TBXAS1: variants seen among roughly 807,000 people sequenced by gnomAD.
The protein encoded by TBXAS1 is thromboxane-A synthase.
Under a neutral mutation model 60.7 loss-of-function variants are expected in TBXAS1, and 48 were observed. That is an observed-to-expected ratio of 0.79 (90% CI 0.63 to 1.01). The LOEUF (loss-of-function observed/expected upper bound fraction) is 1.01. Among genes scored for constraint, TBXAS1 ranks in the 50% least tolerant of loss-of-function variants. TBXAS1 has a pLI of 0.00. For synonymous variants in TBXAS1, 287 were observed against 269.7 expected (o/e 1.06, Z -0.63); for missense variants, 685 against 686.3 (o/e 1.00, Z 0.02).
intron 4 of TBXAS1, among the ~76,000 whole-genome samples, chr7:139,811,536 G>A (rs943747801): frequency 3.9e-5 from 6 of 152,204 alleles, no homozygotes; most frequent in African/African-American, 1.4e-4. Context: ...GCATGACTGG[G>A]TGTCTTAGAA....
At chr7:139,888,669 G>A (rs1285391799) in intron 3 of TBXAS1, among the ~76,000 whole-genome samples, 1 of 152,182 alleles carries the variant, frequency 6.6e-6, no homozygotes, top group Non-Finnish European at 1.5e-5. Context: ...AGGAGAGGTG[G>A]CAGGTGGCCT....
intron 4 of TBXAS1, among the ~76,000 whole-genome samples, chr7:139,815,939 G>T (rs2116421239): frequency 1.3e-5 from 2 of 152,302 alleles, no homozygotes; most frequent in East Asian, 1.9e-4. Flanking sequence ...ATGGTGATAT[G>T]GTTTGGCTCT....
intron 3 of TBXAS1, among the ~76,000 whole-genome samples, chr7:139,895,623 C>T (rs543499996): frequency 1.1e-4 from 17 of 152,352 alleles, no homozygotes; most frequent in African/African-American, 2.6e-4. Context: ...ACCACAGTCT[C>T]GGCTGCTGGA....
At chr7:139,987,173 G>A (rs1812552910) in intron 9 of TBXAS1, among the ~76,000 whole-genome samples, 1 of 152,106 alleles carries the variant, frequency 6.6e-6, no homozygotes, top group African/African-American at 2.4e-5. Flanking sequence ...GGATTCCAGT[G>A]TCATCGGCCT....
At chr7:139,963,206 C>T (rs1301554952) in intron 9 of TBXAS1, among the ~76,000 whole-genome samples, 1 of 152,226 alleles carries the variant, frequency 6.6e-6, no homozygotes, top group Non-Finnish European at 1.5e-5. Context: ...TTATGGTCAA[C>T]TTCAAGTTCT....
intron 9 of TBXAS1, among the ~76,000 whole-genome samples, chr7:139,963,527 G>A (rs1394962230): frequency 1.3e-5 from 2 of 152,174 alleles, no homozygotes; most frequent in Admixed American, 6.5e-5. Flanking sequence ...AACAAGCCAT[G>A]AATCCAAATA....
intron 10 of TBXAS1, among the ~76,000 whole-genome samples, chr7:140,012,576 A>G (rs985436478): frequency 6.6e-6 from 1 of 151,562 alleles, no homozygotes; most frequent in African/African-American, 2.4e-5. Context: ...CTCGTGCCTC[A>G]GCCTCCTGAG....
rs979287855 is a variant in TBXAS1 at position 140,013,869 on chromosome 7, C to T, written c.1227-1854C>T. Among the ~76,000 whole-genome samples the T allele has an allele frequency of 3.3e-5, 5 of 152,258 alleles. No individual in the cohort carries two copies. Among genetic ancestry groups the T allele is most frequent in the African/African-American group, 7.2e-5 (3 of 41,470 alleles). ...TCCTAAACTACCTCTCACTGTGCATCGCAAGTCACTGCCCATCTTCCTGGC... is the reference window on the plus strand; with the variant it reads ...TCCTAAACTACCTCTCACTGTGCATTGCAAGTCACTGCCCATCTTCCTGGC... On this transcript the variant is annotated intron_variant, in intron 10 of 12. Coordinates refer to ENST00000448866, the MANE Select transcript of TBXAS1 (RefSeq NM_001061.7). This position sits in a 1 kb window ranked among gnomAD's most constrained non-coding sequence, Gnocchi z 4.2.
intron 1 of TBXAS1, among the ~76,000 whole-genome samples, chr7:139,857,025 T>C (rs1475658389): frequency 1.3e-5 from 2 of 152,174 alleles, no homozygotes; most frequent in Non-Finnish European, 2.9e-5. Context: ...CCCCATCCCA[T>C]CATGGCCAAG....
chr7:139,929,810 T>C (rs775901515), intron 4 of TBXAS1, among the ~76,000 whole-genome samples: 8 of 152,198 alleles, frequency 5.3e-5, no homozygotes, highest in Non-Finnish European at 1.0e-4. Context: ...CTCCCTGGCC[T>C]GAGCCTCCAC....
intron 3 of TBXAS1, among the ~76,000 whole-genome samples, chr7:139,904,936 CT>C (rs1321425519): frequency 6.6e-6 from 1 of 151,952 alleles, no homozygotes; most frequent in Non-Finnish European, 1.5e-5. Flanking sequence ...GCTCTCCTTT[CT>C]TTCTTCCTTC....
At chr7:139,983,687 G>A (rs1382802626) in intron 9 of TBXAS1, among the ~76,000 whole-genome samples, 3 of 152,134 alleles carry the variant, frequency 2.0e-5, no homozygotes, top group Non-Finnish European at 2.9e-5. Flanking sequence ...ATCATTCAGT[G>A]TACTGTCCTC....
chr7:140,014,062 G>A (rs1218961745), intron 10 of TBXAS1, among the ~76,000 whole-genome samples: 3 of 152,224 alleles, frequency 2.0e-5, no homozygotes, highest in African/African-American at 7.2e-5. Flanking sequence ...GTTCTAGGCA[G>A]CCCATCCTTG....
At chr7:139,808,945 T>C (rs1360923370) in intron 4 of TBXAS1, among the ~76,000 whole-genome samples, 1 of 150,884 alleles carries the variant, frequency 6.6e-6, no homozygotes, top group African/African-American at 2.4e-5. Context: ...GAAATGCTCT[T>C]GGCTGCATGA....
intron 4 of TBXAS1, among the ~76,000 whole-genome samples, chr7:139,935,951 G>A (rs926287002): frequency 1.3e-5 from 2 of 152,172 alleles, no homozygotes; most frequent in East Asian, 1.9e-4. Context: ...TGACCACATC[G>A]CAGCAGGGTA....
intron 9 of TBXAS1, among the ~76,000 whole-genome samples, chr7:139,990,314 C>T (rs372344763): frequency 2.6e-5 from 4 of 152,214 alleles, no homozygotes; most frequent in South Asian, 2.1e-4. Flanking sequence ...TTCGCCCCAG[C>T]GCAGCATTCC....
intron 5 of TBXAS1, among the ~76,000 whole-genome samples, chr7:139,943,964 A>T (rs958039065): frequency 6.6e-6 from 1 of 152,170 alleles, no homozygotes; most frequent in Non-Finnish European, 1.5e-5. Context: ...CTCTGACATC[A>T]GCCCCAAAAT....
chr7:139,863,650 G>T (rs1271025764), intron 1 of TBXAS1, among the ~76,000 whole-genome samples: 1 of 152,166 alleles, frequency 6.6e-6, no homozygotes, highest in Admixed American at 6.5e-5. Flanking sequence ...AAGATTTATA[G>T]CTTTAAATGC....
chr7:139,786,609 G>A (rs186336780), intron 3 of TBXAS1, among the ~76,000 whole-genome samples: 7 of 151,938 alleles, frequency 4.6e-5, no homozygotes, highest in South Asian at 2.1e-4. Flanking sequence ...GAAGACACAC[G>A]TGGTTGCCTG....
Sources: allele counts gnomAD v4.1 joint callset (sites outside exome capture counted in the v4.1 genomes callset), GRCh38; gene constraint gnomAD v4.1.1; non-coding constraint Gnocchi (gnomAD v3.1); transcripts MANE v1.5; gene names NCBI Gene and HGNC (gene_info 2026-07-23, HGNC 2026-07-21).